The following ATP6V1C1 variants were observed in gnomAD, a reference collection of about 807,000 sequenced individuals.
The protein encoded by ATP6V1C1 is ATPase H+ transporting V1 subunit C1, also known as V-type proton ATPase subunit C 1.
A neutral mutation model predicts 53.9 loss-of-function variants in ATP6V1C1; 45 were observed. That is an observed-to-expected ratio of 0.83 (90% CI 0.66 to 1.07). The LOEUF (loss-of-function observed/expected upper bound fraction) is 1.07, where lower values mean the gene tolerates loss of function less well. Ranked by LOEUF, ATP6V1C1 falls within the 50% of genes least tolerant of loss-of-function variation. The pLI is 0.00. For synonymous variants in ATP6V1C1, 153 were observed against 155.2 expected (o/e 0.99, Z 0.11); for missense variants, 315 against 440.3 (o/e 0.72, Z 2.55).
intron 12 of ATP6V1C1, 93 bp from the exon 13 acceptor site, chr8:103,068,559 T>C (rs1211358973): frequency 6.8e-6 from 6 of 882,668 alleles, no homozygotes; most frequent in Non-Finnish European, 1.0e-5. Flanking sequence ...TAGCCCAGAG[T>C]AGATGTTCAA....
intron 1 of ATP6V1C1, among the ~76,000 whole-genome samples, chr8:103,022,784 C>T (rs918292551): frequency 6.6e-6 from 1 of 151,972 alleles, no homozygotes; most frequent in South Asian, 2.1e-4. Flanking sequence ...CAGGGTGGCT[C>T]GTGACTATAA....
At chr8:103,042,214 C>A in intron 2 of ATP6V1C1, 126 bp from the exon 3 acceptor site, 1 of 892,950 alleles carries the variant, frequency 1.1e-6, no homozygotes, top group Non-Finnish European at 1.8e-6. Flanking sequence ...TTTAACTGTA[C>A]TTACACATTA....
chr8:103,042,431 T>C (rs753931988), intron 3 of ATP6V1C1, 24 bp downstream of exon 3: 3 of 1,601,084 alleles, frequency 1.9e-6, no homozygotes, highest in African/African-American at 2.7e-5. Context: ...ATGCATGGAG[T>C]AGAGCAAAAT....
chr8:103,041,734 T>C (rs973565110), intron 2 of ATP6V1C1, among the ~76,000 whole-genome samples: 90 of 152,118 alleles, frequency 5.9e-4, no homozygotes, highest in African/African-American at 2.1e-3. Context: ...TAGCCAGGCA[T>C]GTTGGTGGGC....
intron 8 of ATP6V1C1, among the ~76,000 whole-genome samples, chr8:103,060,309 GT>G (rs1486593548): frequency 6.6e-6 from 1 of 152,144 alleles, no homozygotes; most frequent in Non-Finnish European, 1.5e-5. Flanking sequence ...GATGCACCAT[GT>G]TATTCCACAT....
chr8:103,033,793 A>C (rs577797436), intron 1 of ATP6V1C1, among the ~76,000 whole-genome samples: 1 of 152,322 alleles, frequency 6.6e-6, no homozygotes, highest in African/African-American at 2.4e-5. Context: ...CTAACTACTA[A>C]GTGAGTTAAT....
rs1006905067 is a variant in ATP6V1C1 at position 103,069,097 on chromosome 8, A to G, written c.*350A>G. 1 of 157,128 alleles carries G rather than the reference A, an allele frequency of 6.4e-6. No individual in the cohort carries two copies. The highest frequency in any genetic ancestry group is 2.4e-5 in the African/African-American group (1 of 41,648). The allele number at this position is 157,128 out of a possible 1,614,324, so 9.7% of individuals were successfully genotyped here. On this transcript the variant is annotated 3_prime_UTR_variant, in exon 13 of 13. Coordinates refer to ENST00000518738, the MANE Select transcript of ATP6V1C1 (RefSeq NM_001695.5). ...TGCACAAAAGCCCTGTTCACAGGGG[A>G]ATGGTGTAAACATTTATACTGTTTT...
intron 8 of ATP6V1C1, among the ~76,000 whole-genome samples, chr8:103,061,602 G>T (rs1219300350): frequency 6.6e-6 from 1 of 152,148 alleles, no homozygotes; most frequent in Non-Finnish European, 1.5e-5. Flanking sequence ...GTAGTGAGGG[G>T]TATGTTTATT....
rs563704360 is a variant in ATP6V1C1, at chr8:103,055,584, T to G, written c.573-284T>G. On this transcript the variant is annotated intron_variant, in intron 7 of 12. Transcript: ENST00000518738. ...ATGAACTATGCAGCTTGAAAACAAT[T>G]TAGAATCTATACTGTGCTTTACTTC... is the stretch of plus-strand genomic sequence containing the variant. Among the ~76,000 whole-genome samples, 49 of 152,298 alleles carry G rather than the reference T, an allele frequency of 3.2e-4. No homozygotes were observed. The South Asian group carries it at 9.7e-3, about 30-fold the overall frequency.
Position 103,068,852 on chromosome 8 carries a change from C to CTTA in ATP6V1C1, c.*106_*108dup. ...TAACTCTAGTATCCTTTGCTTGCTT[C>CTTA]TTACGCCCTTTCCTAGGTGAATTCT... On this transcript the variant is annotated 3_prime_UTR_variant, in exon 13 of 13. Coordinates refer to ENST00000518738, the MANE Select transcript of ATP6V1C1 (RefSeq NM_001695.5). The CTTA allele has an allele frequency of 1.1e-6, 1 of 887,938 alleles. No individual in the cohort carries two copies. Among genetic ancestry groups the CTTA allele is most frequent in the Non-Finnish European group, 1.6e-6 (1 of 613,818 alleles). 55.0% of individuals were successfully genotyped at this position (887,938 alleles called of 1,614,324 possible).
At chr8:103,023,358 A>G (rs1485731517) in intron 1 of ATP6V1C1, among the ~76,000 whole-genome samples, 1 of 141,604 alleles carries the variant, frequency 7.1e-6, no homozygotes, top group Admixed American at 7.3e-5. Context: ...CGCTCAGGGG[A>G]ACATTGTTGT....
At chr8:103,043,603 T>C (rs1468099891) in intron 3 of ATP6V1C1, among the ~76,000 whole-genome samples, 1 of 152,134 alleles carries the variant, frequency 6.6e-6, no homozygotes, top group Non-Finnish European at 1.5e-5. Flanking sequence ...AGTGCTGGGA[T>C]TACAGGCGTG....
intron 1 of ATP6V1C1, among the ~76,000 whole-genome samples, chr8:103,021,679 G>A (rs1423828704): frequency 6.6e-6 from 1 of 152,018 alleles, no homozygotes; most frequent in East Asian, 1.9e-4. Flanking sequence ...CAGTTTAAAG[G>A]CCTAGGAGCC....
At chr8:103,067,201 C>G (rs1817507205) in intron 12 of ATP6V1C1, among the ~76,000 whole-genome samples, 1 of 151,814 alleles carries the variant, frequency 6.6e-6, no homozygotes, top group African/African-American at 2.4e-5. Context: ...GAGTTTGAGA[C>G]CGGCCTGGCC....
chr8:103,043,212 G>C (rs7825292), intron 3 of ATP6V1C1, among the ~76,000 whole-genome samples: 1 of 152,056 alleles, frequency 6.6e-6, no homozygotes, highest in African/African-American at 2.4e-5. Flanking sequence ...TATTCCCGCC[G>C]GCAGTGTATG....
chr8:103,059,884 ACACACACACACACC>A (rs1006677712), intron 8 of ATP6V1C1, among the ~76,000 whole-genome samples: 1 of 57,224 alleles, frequency 1.7e-5, no homozygotes, highest in Non-Finnish European at 3.6e-5. Flanking sequence ...GCACGCACAC[ACACACACACACACC>A]CACACACCCA....
At chr8:103,061,819 G>A (rs56224531) in intron 8 of ATP6V1C1, among the ~76,000 whole-genome samples, 12,666 of 152,234 alleles carry the variant, frequency 0.083, 696 homozygotes, top group Non-Finnish European at 0.11. Flanking sequence ...CAAGGTTATC[G>A]CTGTGGAACA....
intron 3 of ATP6V1C1, among the ~76,000 whole-genome samples, chr8:103,045,655 A>G (rs1380771115): frequency 6.6e-6 from 1 of 152,078 alleles, no homozygotes; most frequent in Non-Finnish European, 1.5e-5. Flanking sequence ...ATTAAGAAAA[A>G]AATGGGCCGG....
At position 103,053,992 on chromosome 8, in the gene ATP6V1C1, TC is replaced by T; in HGVS notation, c.572+11del. ...TGGTAGTAGTTCCCAAGTAAGTCTT[TC>T]TATTATAAAAGGTTTTACTTGTTAA... On this transcript the variant is annotated intron_variant, in intron 7 of 12. Coordinates refer to ENST00000518738, the MANE Select transcript of ATP6V1C1 (RefSeq NM_001695.5). 1 of 1,593,150 alleles carries T rather than the reference TC, an allele frequency of 6.3e-7. No homozygotes were observed. Among genetic ancestry groups the T allele is most frequent in the South Asian group, 1.1e-5 (1 of 87,840 alleles).
Sources: gnomAD v4.1 joint callset for allele counts (sites outside exome capture counted in the v4.1 genomes callset) on GRCh38, gnomAD v4.1.1 for gene constraint, MANE v1.5 for transcripts, NCBI Gene and HGNC (gene_info 2026-07-23, HGNC 2026-07-21) for gene names.